Variants in SP2 observed in about 807,000 individuals in gnomAD.
SP2 encodes transcription factor Sp2.
A neutral mutation model predicts 50.1 loss-of-function variants in SP2; 9 were observed. That is an observed-to-expected ratio of 0.18 (90% CI 0.11 to 0.31). The LOEUF is 0.31. SP2 is among the 10% of genes least tolerant of loss of function. The pLI is 1.00. For synonymous variants in SP2, 313 were observed against 326.6 expected, an observed-to-expected ratio of 0.96 and a Z score of 0.45; for missense variants, 581 against 806.5, an observed-to-expected ratio of 0.72 and a Z score of 3.39.
intron 1 of SP2, among the ~76,000 whole-genome samples, chr17:47,912,739 C>T (rs2143911536): frequency 6.6e-6 from 1 of 152,238 alleles, no homozygotes; most frequent in East Asian, 1.9e-4. Context: ...GTCACTGCAT[C>T]CCGTGCCTTC....
intron 3 of SP2, chr17:47,918,563 A>C (rs1391799293): frequency 1.3e-5 from 2 of 152,212 alleles, no homozygotes; most frequent in Non-Finnish European, 2.9e-5. Flanking sequence ...ACTAAAACCC[A>C]GGTCTTCCCT....
chr17:47,926,806 T>A (rs983343336), intron 6 of SP2, among the ~76,000 whole-genome samples: 15 of 151,010 alleles, frequency 9.9e-5, no homozygotes, highest in African/African-American at 3.4e-4. Flanking sequence ...TTGTCCTGGG[T>A]ATCCACAGTG....
intron 1 of SP2, among the ~76,000 whole-genome samples, chr17:47,912,266 A>G (rs571258720): frequency 8.5e-5 from 13 of 152,122 alleles, no homozygotes; most frequent in Non-Finnish European, 8.8e-5. Flanking sequence ...GGATCTGCAT[A>G]TATAATTTTG....
Position 47,917,126 on chromosome 17 carries a change from C to T in SP2, c.1055C>T (p.Thr352Ile). 1.2e-6 allele frequency: 2 copies of T among 1,606,422 alleles called. No individual in the cohort carries two copies. Among genetic ancestry groups the T allele is most frequent in the Non-Finnish European group, 8.5e-7 (1 of 1,176,352 alleles). ...ATCCAGGCAGCTGAGCCGACACCTACTCAGGTACCACACTCCCTGTACTGT... is the reference window on the plus strand; with the variant it reads ...ATCCAGGCAGCTGAGCCGACACCTATTCAGGTACCACACTCCCTGTACTGT... ...FQIQAAEPTPTQVYIRTPSGE... is the reference protein window; with the variant it reads ...FQIQAAEPTPIQVYIRTPSGE... The change falls in exon 3 of 7, where the codon ACT becomes ATT. Residue 352 changes from threonine (T) to isoleucine (I), a missense_variant. By Grantham distance (89) the Thr-to-Ile change is moderately conservative (BLOSUM62 -1). Transcript: ENST00000376741.
chr17:47,917,419 AATAAC>A (rs1370622038), intron 3 of SP2, among the ~76,000 whole-genome samples: 1 of 152,136 alleles, frequency 6.6e-6, no homozygotes, highest in African/African-American at 2.4e-5. Context: ...CATACTTGTT[AATAAC>A]TTATTTTTGA....
chr17:47,898,773 C>T (rs986330331), intron 1 of SP2: 3 of 152,162 alleles, frequency 2.0e-5, no homozygotes, highest in Non-Finnish European at 4.4e-5. Flanking sequence ...GATGCAGTAG[C>T]GTGAACACTT....
intron 1 of SP2, among the ~76,000 whole-genome samples, chr17:47,909,271 T>C (rs1307296402): frequency 6.6e-6 from 1 of 152,232 alleles, no homozygotes; most frequent in Admixed American, 6.5e-5. Context: ...CAATCCAAAA[T>C]TGCAGTAGCC....
At chr17:47,919,978 A>AG (rs1429948090) in intron 3 of SP2, among the ~76,000 whole-genome samples, 2 of 151,612 alleles carry the variant, frequency 1.3e-5, no homozygotes, top group Non-Finnish European at 2.9e-5. Flanking sequence ...CTGGGATTAC[A>AG]GGCGCGTGCC....
intron 3 of SP2, 93 bp from the exon 4 acceptor site, chr17:47,922,869 G>A: frequency 9.2e-7 from 1 of 1,090,832 alleles, no homozygotes; most frequent in Non-Finnish European, 1.3e-6. Context: ...TAGTGGACAG[G>A]CGCCCCCAGT....
At chr17:47,931,720 G>C (rs777100862), downstream of SP2, among the ~76,000 whole-genome samples, 1 of 152,152 alleles carries the variant, frequency 6.6e-6, no homozygotes, top group Non-Finnish European at 1.5e-5. Flanking sequence ...TGCCTTCTAA[G>C]GCCTGGTCTG....
intron 1 of SP2, chr17:47,899,235 T>G (rs1044342529): frequency 1.3e-5 from 2 of 152,214 alleles, no homozygotes; most frequent in African/African-American, 4.8e-5. Context: ...TCAGCAGATC[T>G]TTTTTTGGCT....
intron 2 of SP2, among the ~76,000 whole-genome samples, chr17:47,915,677 CCA>C (rs1209006400): frequency 1.3e-5 from 2 of 152,102 alleles, no homozygotes; most frequent in South Asian, 2.1e-4. Context: ...GTAGCCCTCC[CCA>C]GTCTATAAAG....
chr17:47,926,322 T>G (rs2035650366), intron 6 of SP2, among the ~76,000 whole-genome samples: 2 of 151,032 alleles, frequency 1.3e-5, no homozygotes, highest in Non-Finnish European at 1.5e-5. Flanking sequence ...TTTGTTTTTT[T>G]TTTTTTTTAA....
At chr17:47,922,911 A>G (rs750935419) in intron 3 of SP2, 51 bp from the exon 4 acceptor site, 5 of 1,532,620 alleles carry the variant, frequency 3.3e-6, no homozygotes, top group Non-Finnish European at 4.4e-6. Flanking sequence ...TGAAGGCCCC[A>G]GGAACCTAGT....
intron 1 of SP2, among the ~76,000 whole-genome samples, chr17:47,901,114 G>A (rs2034523655): frequency 6.6e-6 from 1 of 151,896 alleles, no homozygotes; most frequent in Non-Finnish European, 1.5e-5. Context: ...GGTGGAGACA[G>A]ATAGGCGGTA....
chr17:47,898,342 T>G (rs570884733), intron 1 of SP2: 1 of 152,358 alleles, frequency 6.6e-6, no homozygotes, highest in South Asian at 2.1e-4. Flanking sequence ...ATTTTGGCCT[T>G]GAACTTCTTA....
At chr17:47,912,608 C>A (rs1222933828) in intron 1 of SP2, among the ~76,000 whole-genome samples, 1 of 152,220 alleles carries the variant, frequency 6.6e-6, no homozygotes. Flanking sequence ...CCATGTCCAG[C>A]TAATTTTTAA....
chr17:47,929,161 A>T (rs990048730), downstream of SP2, among the ~76,000 whole-genome samples: 1 of 152,154 alleles, frequency 6.6e-6, no homozygotes, highest in African/African-American at 2.4e-5. Flanking sequence ...CCCCCAGAGC[A>T]CCTCCAAGGG....
chr17:47,915,294 T>A lies in SP2; in HGVS notation c.8-18T>A, dbSNP rs1371848622. Reference sequence around the variant, plus strand: ...TTTGGGCATTTTATACATTACTCCATCTCTTTTCTTCCAACAGATCCACAG... The same window carrying A: ...TTTGGGCATTTTATACATTACTCCAACTCTTTTCTTCCAACAGATCCACAG... On this transcript the variant is annotated intron_variant, in intron 1 of 6. Coordinates refer to ENST00000376741, the MANE Select transcript of SP2 (RefSeq NM_003110.6). The A allele has an allele frequency of 6.3e-7, 1 of 1,588,766 alleles. No individual in the cohort carries two copies. The highest frequency in any genetic ancestry group is 8.6e-7 in the Non-Finnish European group (1 of 1,161,434).
Sources: gnomAD v4.1 joint callset for allele counts (sites outside exome capture counted in the v4.1 genomes callset) on GRCh38, gnomAD v4.1.1 for gene constraint, MANE v1.5 for transcripts, NCBI Gene and HGNC (gene_info 2026-07-23, HGNC 2026-07-21) for gene names.